The following PLCB4 variants were observed in gnomAD, a reference collection of about 807,000 sequenced individuals.
PLCB4 encodes the protein 1-phosphatidylinositol 4,5-bisphosphate phosphodiesterase beta-4.
A neutral mutation model predicts 178.8 loss-of-function variants in PLCB4; 77 were observed. The ratio of observed to expected loss-of-function variants is 0.43; its 90% CI spans 0.36 to 0.52. The LOEUF is 0.52. Among genes scored for constraint, PLCB4 ranks in the 20% least tolerant of loss-of-function variants. The pLI, the probability that PLCB4 is intolerant of heterozygous loss-of-function variation, is 0.00. For synonymous variants in PLCB4, 496 were observed against 490.8 expected (o/e 1.01, Z -0.14); for missense variants, 1,024 against 1,453.4 (o/e 0.70, Z 4.80).
chr20:9,275,888 A>C (rs113589961), intron 3 of PLCB4, among the ~76,000 whole-genome samples: 2 of 152,166 alleles, frequency 1.3e-5, no homozygotes, highest in African/African-American at 4.8e-5. Flanking sequence ...AAACTTATTG[A>C]CCATACTTGT....
intron 7 of PLCB4, among the ~76,000 whole-genome samples, chr20:9,342,383 C>T (rs758381547): frequency 1.3e-5 from 2 of 152,094 alleles, no homozygotes; most frequent in African/African-American, 2.4e-5. Context: ...TCTACTCAAA[C>T]GTGAGTATAG....
At chr20:9,311,277 G>A (rs370593040) in intron 4 of PLCB4, among the ~76,000 whole-genome samples, 6 of 152,032 alleles carry the variant, frequency 3.9e-5, no homozygotes, top group African/African-American at 1.5e-4. Flanking sequence ...CAGTTTCCAG[G>A]ACTGTTGACT....
At chr20:9,275,450 G>T (rs928344073) in intron 3 of PLCB4, among the ~76,000 whole-genome samples, 1 of 152,044 alleles carries the variant, frequency 6.6e-6, no homozygotes, top group African/African-American at 2.4e-5. Flanking sequence ...GCATTACCTG[G>T]TGGGGAGGAA....
intron 38 of PLCB4, among the ~76,000 whole-genome samples, chr20:9,475,853 A>G (rs2044505434): frequency 6.6e-6 from 1 of 152,228 alleles, no homozygotes; most frequent in Non-Finnish European, 1.5e-5. Context: ...CTGGAACTAT[A>G]TAGTATAACT....
At chr20:9,204,397 T>G (rs13339916) in intron 2 of PLCB4, among the ~76,000 whole-genome samples, 6,867 of 152,114 alleles carry the variant, frequency 0.045, 511 homozygotes, top group African/African-American at 0.15. Context: ...CTTGCTCTGT[T>G]GACCAGGCTG....
intron 8 of PLCB4, among the ~76,000 whole-genome samples, chr20:9,364,976 TCAAGA>T (rs67287695): frequency 0.069 from 10,440 of 152,188 alleles, 391 homozygotes; most frequent in Middle Eastern, 0.099. Context: ...TCATGAATTC[TCAAGA>T]CAAGGCTGGC....
Position 9,473,281 on chromosome 20 carries a change from T to A in PLCB4, c.3411T>A (p.Leu1137=). 6.7e-7 allele frequency: 1 copy of A among 1,491,472 alleles called. No homozygotes were observed. The highest frequency in any genetic ancestry group is 1.4e-5 in the South Asian group (1 of 73,136). The allele number at this position is 1,491,472 out of a possible 1,614,324, so 92.4% of individuals were successfully genotyped here. ...TKKFLEERKR[L]AMKQSKEMDQ... is the part of the protein sequence containing the mutation. ...TTTTTTTTTTTTTTTTTTTGCAGCT[T>A]GCCATGAAGCAGTCCAAAGAAATGG... Residue 1137 remains leucine, a splice_region_variant and synonymous_variant, in exon 38 of 40, where the codon CTT becomes CTA. Transcript: ENST00000378473.
At chr20:9,433,020 T>C (rs2041532894) in intron 28 of PLCB4, among the ~76,000 whole-genome samples, 1 of 151,900 alleles carries the variant, frequency 6.6e-6, no homozygotes. Flanking sequence ...ATAGCAGCAG[T>C]ATGAATGCAG....
intron 2 of PLCB4, among the ~76,000 whole-genome samples, chr20:9,098,277 T>C (rs899620551): frequency 1.3e-5 from 2 of 152,262 alleles, no homozygotes; most frequent in Non-Finnish European, 2.9e-5. Context: ...AAATACACTT[T>C]TAGGAAATCC....
At chr20:9,163,781 A>G (rs988253627) in intron 2 of PLCB4, among the ~76,000 whole-genome samples, 1 of 152,120 alleles carries the variant, frequency 6.6e-6, no homozygotes, top group African/African-American at 2.4e-5. Context: ...TCACATTTTT[A>G]TTACATTCTA....
At chr20:9,296,987 A>G (rs146148754) in intron 3 of PLCB4, among the ~76,000 whole-genome samples, 4,784 of 152,240 alleles carry the variant, frequency 0.031, 225 homozygotes, top group African/African-American at 0.1. Context: ...GTGCACATGT[A>G]CCCTAAAACT....
rs747654961 is a variant in PLCB4, at chr20:9,408,687, A to T, written c.1844A>T (p.Tyr615Phe). The T allele has an allele frequency of 2.5e-6, 4 of 1,580,982 alleles. No individual in the cohort carries two copies. Among genetic ancestry groups the T allele is most frequent in the Non-Finnish European group, 3.5e-6 (4 of 1,150,076 alleles). The change falls in exon 23 of 40, where the codon TAC becomes TTC. Residue 615 changes from tyrosine (Y) to phenylalanine (F), a missense_variant. Tyr to Phe is a conservative substitution (Grantham distance 22, BLOSUM62 3). This residue lies in a region of PLCB4 where 263 missense variants were observed against 417.4 expected (regional missense o/e 0.63). Coordinates refer to ENST00000378473, the MANE Select transcript of PLCB4 (RefSeq NM_001377142.1). ...TTTAATGAATCAGTCGGTCTTGGCT[A>T]CTTGAAGACACATGCAATTGAATTT... ...SSFNESVGLG[Y>F]LKTHAIEFVN...
At position 9,070,698 on chromosome 20, in the gene PLCB4, C is replaced by T. The variant is rs190232727; in HGVS notation, c.-135+1492C>T. 2.3e-3 allele frequency among the ~76,000 whole-genome samples: 352 copies of T among 152,226 alleles called. 2 individuals carry two copies. Among genetic ancestry groups the T allele is most frequent in the African/African-American group, 7.9e-3 (328 of 41,528 alleles). ...ACATTTTTATTGGCACTTTTATGAA[C>T]GTAAGACTTGCTGCCAGACGAGTAA... On this transcript the variant is annotated intron_variant, in intron 1 of 39. Transcript: ENST00000378473.
intron 12 of PLCB4, among the ~76,000 whole-genome samples, chr20:9,376,003 C>T (rs1013920167): frequency 6.6e-6 from 1 of 152,064 alleles, no homozygotes; most frequent in African/African-American, 2.4e-5. Flanking sequence ...TGTGTATCTT[C>T]AGGGGGCTGC....
chr20:9,165,013 T>A (rs1413421712), intron 2 of PLCB4, among the ~76,000 whole-genome samples: 1 of 152,186 alleles, frequency 6.6e-6, no homozygotes, highest in African/African-American at 2.4e-5. Context: ...GTGTTTTTTA[T>A]GGTTACTTCT....
intron 2 of PLCB4, among the ~76,000 whole-genome samples, chr20:9,118,035 T>C (rs1199584683): frequency 1.3e-5 from 2 of 152,134 alleles, no homozygotes. Context: ...AAAAGCTTTG[T>C]CTAAAGTGTT....
chr20:9,412,600 C>T (rs1036181754), intron 25 of PLCB4, among the ~76,000 whole-genome samples: 2 of 152,180 alleles, frequency 1.3e-5, no homozygotes, highest in Non-Finnish European at 2.9e-5. Context: ...GCTTCCCTCT[C>T]AGTCACTGTA....
intron 2 of PLCB4, among the ~76,000 whole-genome samples, chr20:9,215,507 A>T (rs1328161383): frequency 1.3e-5 from 2 of 152,224 alleles, no homozygotes; most frequent in African/African-American, 4.8e-5. Context: ...GCCAGCCTGC[A>T]TCATAGTAAA....
intron 1 of PLCB4, among the ~76,000 whole-genome samples, chr20:9,071,230 G>A (rs2089557415): frequency 6.6e-6 from 1 of 152,132 alleles, no homozygotes; most frequent in African/African-American, 2.4e-5. Flanking sequence ...TTCAGTGCCC[G>A]TAGCACAGCT....
Sources: allele counts gnomAD v4.1 joint callset (sites outside exome capture counted in the v4.1 genomes callset), GRCh38; gene constraint gnomAD v4.1.1; regional missense constraint gnomAD v4.1.1; transcripts MANE v1.5; gene names NCBI Gene and HGNC (gene_info 2026-07-23, HGNC 2026-07-21).